The following CNTNAP2 variants were observed in gnomAD, a reference collection of about 807,000 sequenced individuals.
CNTNAP2 encodes contactin-associated protein-like 2.
In CNTNAP2, 98 loss-of-function variants were observed where a neutral mutation model predicts 155.2. The observed-to-expected ratio is 0.63, with a 90% CI of 0.54 to 0.75. The LOEUF (loss-of-function observed/expected upper bound fraction) is 0.75, where lower values mean the gene tolerates loss of function less well. Among genes scored for constraint, CNTNAP2 ranks in the 30% least tolerant of loss-of-function variants. CNTNAP2 has a pLI of 0.00. For synonymous variants in CNTNAP2, 651 were observed against 631.2 expected (o/e 1.03, Z -0.47); for missense variants, 1,727 against 1,688.1 (o/e 1.02, Z -0.40).
At position 146,531,568 on chromosome 7, in the gene CNTNAP2, C is replaced by T. The variant is rs193010013; in HGVS notation, c.98-242703C>T. 2.5e-3 allele frequency among the ~76,000 whole-genome samples: 375 copies of T among 152,152 alleles called. 4 individuals are homozygous for T. The highest frequency in any genetic ancestry group is 8.5e-3 in the African/African-American group (352 of 41,508). Reference sequence around the variant, plus strand: ...GCTTTTGTTTTGTTTTGTATTGAGGCGGAGTCTCGCTCAGTTGCCCAGGCT... The same window carrying T: ...GCTTTTGTTTTGTTTTGTATTGAGGTGGAGTCTCGCTCAGTTGCCCAGGCT... On this transcript the variant is annotated intron_variant, in intron 1 of 23. Coordinates refer to ENST00000361727, the MANE Select transcript of CNTNAP2 (RefSeq NM_014141.6).
At chr7:146,973,464 C>T (rs1286311796) in intron 3 of CNTNAP2, among the ~76,000 whole-genome samples, 3 of 152,200 alleles carry the variant, frequency 2.0e-5, no homozygotes, top group East Asian at 1.9e-4. Flanking sequence ...GTACGATAAC[C>T]TCCTTTGCAA....
intron 1 of CNTNAP2, among the ~76,000 whole-genome samples, chr7:146,247,912 A>G (rs1205988585): frequency 6.6e-6 from 1 of 152,002 alleles, no homozygotes; most frequent in Non-Finnish European, 1.5e-5. Context: ...CCCTCCAGAA[A>G]AGCAGAGAAG....
intron 13 of CNTNAP2, among the ~76,000 whole-genome samples, chr7:147,697,408 T>C (rs968811685): frequency 6.6e-6 from 1 of 152,174 alleles, no homozygotes; most frequent in Admixed American, 6.6e-5. Context: ...TCTCGCCAAC[T>C]GTGGTTTTTT....
At chr7:146,976,075 T>C (rs1797904526) in intron 3 of CNTNAP2, among the ~76,000 whole-genome samples, 1 of 152,178 alleles carries the variant, frequency 6.6e-6, no homozygotes, top group South Asian at 2.1e-4. Flanking sequence ...GCCCTTAAAA[T>C]ACAATTTGAA....
intron 3 of CNTNAP2, among the ~76,000 whole-genome samples, chr7:146,908,840 T>A (rs1019993594): frequency 7.1e-5 from 9 of 127,334 alleles, no homozygotes; most frequent in African/African-American, 2.3e-4. Flanking sequence ...AAAAAACCCT[T>A]CAAAAAAATC....
At chr7:147,842,039 A>T (rs1477332672) in intron 13 of CNTNAP2, among the ~76,000 whole-genome samples, 1 of 152,094 alleles carries the variant, frequency 6.6e-6, no homozygotes, top group Non-Finnish European at 1.5e-5. Context: ...ATTGTTTATT[A>T]TCATTAAAAA....
At chr7:147,586,126 G>A (rs1458614005) in intron 12 of CNTNAP2, among the ~76,000 whole-genome samples, 1 of 152,146 alleles carries the variant, frequency 6.6e-6, no homozygotes, top group East Asian at 1.9e-4. Flanking sequence ...GATTGAAAGA[G>A]TTTAATTATG....
At chr7:146,205,169 C>T (rs1798926795) in intron 1 of CNTNAP2, among the ~76,000 whole-genome samples, 1 of 151,896 alleles carries the variant, frequency 6.6e-6, no homozygotes, top group African/African-American at 2.4e-5. Flanking sequence ...TATTATTGTT[C>T]ACTGACAGCA....
intron 13 of CNTNAP2, among the ~76,000 whole-genome samples, chr7:147,736,244 T>TTTC: frequency 6.6e-6 from 1 of 151,848 alleles, no homozygotes; most frequent in African/African-American, 2.4e-5. Flanking sequence ...CAGCATTTGC[T>TTTC]TGTCTATAAA....
chr7:148,046,435 A>G (rs900604111), intron 15 of CNTNAP2, among the ~76,000 whole-genome samples: 1 of 152,190 alleles, frequency 6.6e-6, no homozygotes, highest in Non-Finnish European at 1.5e-5. Context: ...ATCTTTAGTT[A>G]TAACATTCAC....
chr7:148,080,193 T>G (rs546607132), intron 15 of CNTNAP2, among the ~76,000 whole-genome samples: 3 of 152,282 alleles, frequency 2.0e-5, no homozygotes, highest in African/African-American at 7.2e-5. Context: ...AAATAAACAT[T>G]TGCCTTGTTA....
chr7:147,425,901 T>C (rs1797370675), intron 10 of CNTNAP2, among the ~76,000 whole-genome samples: 1 of 152,152 alleles, frequency 6.6e-6, no homozygotes, highest in South Asian at 2.1e-4. Flanking sequence ...TAAACAGAAT[T>C]TTAAAGCTCA....
At chr7:147,240,540 C>G (rs1412944187) in intron 8 of CNTNAP2, among the ~76,000 whole-genome samples, 6 of 152,190 alleles carry the variant, frequency 3.9e-5, no homozygotes, top group Non-Finnish European at 7.3e-5. Flanking sequence ...AAGTTAATTA[C>G]TTACTGTGAT....
intron 8 of CNTNAP2, among the ~76,000 whole-genome samples, chr7:147,192,901 C>T (rs775654912): frequency 2.6e-5 from 4 of 152,004 alleles, no homozygotes; most frequent in East Asian, 1.9e-4. Flanking sequence ...CTGTAATGGG[C>T]GCAACTTACT....
At chr7:146,731,992 A>T (rs577933218) in intron 1 of CNTNAP2, among the ~76,000 whole-genome samples, 5 of 152,288 alleles carry the variant, frequency 3.3e-5, no homozygotes, top group African/African-American at 1.2e-4. Context: ...ATCTAATGCT[A>T]ACTGCCCAAA....
chr7:147,433,020 T>C (rs576456291), intron 10 of CNTNAP2, among the ~76,000 whole-genome samples: 1 of 152,316 alleles, frequency 6.6e-6, no homozygotes, highest in Non-Finnish European at 1.5e-5. Flanking sequence ...ATGATTCATT[T>C]CAAAACAGAA....
intron 1 of CNTNAP2, among the ~76,000 whole-genome samples, chr7:146,396,711 ATATATATGTG>A (rs1290722866): frequency 1.3e-5 from 2 of 150,752 alleles, no homozygotes; most frequent in African/African-American, 4.9e-5. Context: ...TTATATACAT[ATATATATGTG>A]TATATATATG....
intron 3 of CNTNAP2, among the ~76,000 whole-genome samples, chr7:147,040,434 A>G (rs1474366415): frequency 6.7e-6 from 1 of 149,838 alleles, no homozygotes; most frequent in Non-Finnish European, 1.5e-5. Flanking sequence ...CTCTAGCATC[A>G]TATGGATTAA....
At position 147,132,362 on chromosome 7, in the gene CNTNAP2, T is replaced by C; in HGVS notation, c.1201T>C (p.Phe401Leu). The C allele has an allele frequency of 6.2e-7, 1 of 1,613,674 alleles. No individual in the cohort carries two copies. Among genetic ancestry groups the C allele is most frequent in the Non-Finnish European group, 8.5e-7 (1 of 1,179,794 alleles). Reference protein sequence around the residue: ...NQDLFSVSFQFRTWNPNGLLV... With the variant: ...NQDLFSVSFQLRTWNPNGLLV... ...GGACCTGTTCTCAGTCAGTTTCCAGTTTAGGACATGGAACCCCAATGGTCT... is the reference window on the plus strand; with the variant it reads ...GGACCTGTTCTCAGTCAGTTTCCAGCTTAGGACATGGAACCCCAATGGTCT... Residue 401 changes from phenylalanine (F) to leucine (L), a missense_variant, in exon 8 of 24, where the codon TTT becomes CTT. Coordinates refer to ENST00000361727, the MANE Select transcript of CNTNAP2 (RefSeq NM_014141.6).
Sources: gnomAD v4.1 joint callset for allele counts (sites outside exome capture counted in the v4.1 genomes callset) on GRCh38, gnomAD v4.1.1 for gene constraint, MANE v1.5 for transcripts, NCBI Gene and HGNC (gene_info 2026-07-23, HGNC 2026-07-21) for gene names.